The following SLC44A5 variants were observed in gnomAD, a reference collection of about 807,000 sequenced individuals.
The protein encoded by SLC44A5 is choline transporter-like protein 5.
SLC44A5 carries 57 observed loss-of-function variants against 101.8 expected under a neutral mutation model. That is an observed-to-expected ratio of 0.56 (90% CI 0.45 to 0.70). The LOEUF (loss-of-function observed/expected upper bound fraction) is 0.70, where lower values mean the gene tolerates loss of function less well. Among genes scored for constraint, SLC44A5 ranks in the 30% least tolerant of loss-of-function variants. SLC44A5 has a pLI of 0.00. For missense variants in SLC44A5, 737 were observed against 853.1 expected (o/e 0.86, Z 1.70); for synonymous variants, 281 against 290.9 (o/e 0.97, Z 0.35).
intron 23 of SLC44A5, chr1:75,205,927 T>C (rs1646742208): frequency 6.6e-6 from 1 of 152,194 alleles, no homozygotes; most frequent in African/African-American, 2.4e-5. Flanking sequence ...TTGTTGGAAA[T>C]GACACTCCAG....
At chr1:75,421,447 A>C (rs1003006029) in intron 2 of SLC44A5, among the ~76,000 whole-genome samples, 1 of 152,170 alleles carries the variant, frequency 6.6e-6, no homozygotes, top group Non-Finnish European at 1.5e-5. Context: ...AAAAAAATGA[A>C]TAAATGGCAG....
the SLC44A5 span, among the ~76,000 whole-genome samples, chr1:75,714,527 T>C: frequency 6.6e-6 from 1 of 152,148 alleles, no homozygotes; most frequent in Middle Eastern, 3.4e-3. Context: ...GGCACCCAAG[T>C]AGAAAGAGAG....
At chr1:75,311,220 G>A (rs1168647991) in intron 4 of SLC44A5, among the ~76,000 whole-genome samples, 1 of 151,676 alleles carries the variant, frequency 6.6e-6, no homozygotes, top group African/African-American at 2.4e-5. Context: ...AGGTTCAAGC[G>A]ATTCTCCTGC....
chr1:75,537,034 A>AAAAATATATATATATG (rs1553199990), intron 2 of SLC44A5, among the ~76,000 whole-genome samples: 45 of 18,612 alleles, frequency 2.4e-3, no homozygotes, highest in African/African-American at 4.7e-3. Flanking sequence ...AAAAAAAAAA[A>AAAAATATATATATATG]TATATATCTA....
At chr1:75,639,518 G>C in the SLC44A5 span, among the ~76,000 whole-genome samples, 1 of 152,032 alleles carries the variant, frequency 6.6e-6, no homozygotes, top group Non-Finnish European at 1.5e-5. Flanking sequence ...TTCTTTGACT[G>C]TTATTCCGAT....
At chr1:75,642,897 G>A in the SLC44A5 span, among the ~76,000 whole-genome samples, 2 of 152,108 alleles carry the variant, frequency 1.3e-5, no homozygotes, top group South Asian at 2.1e-4. Flanking sequence ...AAACAAATAA[G>A]TTTAGGTTAT....
intron 3 of SLC44A5, among the ~76,000 whole-genome samples, chr1:75,388,208 TAATA>T (rs71071944): frequency 1.1e-4 from 14 of 129,112 alleles, no homozygotes; most frequent in Admixed American, 4.6e-4. Context: ...ACTTAAAGTG[TAATA>T]AATAAATAAA....
At chr1:75,246,072 A>G (rs1212122992) in intron 7 of SLC44A5, among the ~76,000 whole-genome samples, 3 of 152,146 alleles carry the variant, frequency 2.0e-5, no homozygotes, top group African/African-American at 7.2e-5. Context: ...GACTCAGCTA[A>G]TAAGAGCTAA....
At chr1:75,645,333 G>T in the SLC44A5 span, among the ~76,000 whole-genome samples, 1 of 152,062 alleles carries the variant, frequency 6.6e-6, no homozygotes, top group African/African-American at 2.4e-5. Context: ...CTGGTGTAAG[G>T]TGGTATCTCA....
the SLC44A5 span, among the ~76,000 whole-genome samples, chr1:75,665,994 A>C: frequency 6.6e-6 from 1 of 152,202 alleles, no homozygotes; most frequent in Non-Finnish European, 1.5e-5. Context: ...GCTACAGAAA[A>C]AAAGGGAATG....
the SLC44A5 span, among the ~76,000 whole-genome samples, chr1:75,644,327 G>A: frequency 6.6e-6 from 1 of 151,498 alleles, no homozygotes; most frequent in African/African-American, 2.4e-5. Context: ...ACATACAAAG[G>A]TGTAATAAAT....
chr1:75,277,241 G>C (rs1460210204), intron 5 of SLC44A5, among the ~76,000 whole-genome samples: 3 of 152,102 alleles, frequency 2.0e-5, no homozygotes, highest in Admixed American at 2.0e-4. Context: ...TATAGATTGA[G>C]GAAATAGTAT....
chr1:75,696,688 G>A, the SLC44A5 span, among the ~76,000 whole-genome samples: 41 of 152,078 alleles, frequency 2.7e-4, 1 homozygote, highest in Non-Finnish European at 3.4e-4. Context: ...GAGGTCAGGA[G>A]ATCGAGACCA....
chr1:75,480,640 A>G (rs1667779726), intron 2 of SLC44A5, among the ~76,000 whole-genome samples: 1 of 151,894 alleles, frequency 6.6e-6, no homozygotes, highest in African/African-American at 2.4e-5. Flanking sequence ...TCATGAGTGA[A>G]CTCCCATTCG....
At chr1:75,641,076 CAAAG>C in the SLC44A5 span, among the ~76,000 whole-genome samples, 1 of 152,030 alleles carries the variant, frequency 6.6e-6, no homozygotes. Flanking sequence ...TAATAAAATA[CAAAG>C]AAAGGCAACT....
the SLC44A5 span, among the ~76,000 whole-genome samples, chr1:75,651,603 A>G: frequency 6.7e-6 from 1 of 149,318 alleles, no homozygotes; most frequent in Non-Finnish European, 1.5e-5. Context: ...AGGCTGAGGC[A>G]GGAGAATGGC....
intron 3 of SLC44A5, among the ~76,000 whole-genome samples, chr1:75,370,233 T>G (rs769480179): frequency 6.6e-6 from 1 of 152,246 alleles, no homozygotes; most frequent in African/African-American, 2.4e-5. Flanking sequence ...TGTTCCCATA[T>G]GCTGTAACAT....
chr1:75,333,795 C>T (rs1486239667), intron 4 of SLC44A5, among the ~76,000 whole-genome samples: 2 of 152,096 alleles, frequency 1.3e-5, no homozygotes, highest in Non-Finnish European at 2.9e-5. Context: ...AGAAAAAATT[C>T]AAAGCAGAGG....
At chr1:75,680,100 A>G in the SLC44A5 span, among the ~76,000 whole-genome samples, 1 of 152,234 alleles carries the variant, frequency 6.6e-6, no homozygotes, top group African/African-American at 2.4e-5. Flanking sequence ...AGGAGCACCC[A>G]GATTCATAAA....
Sources: allele counts gnomAD v4.1 joint callset (sites outside exome capture counted in the v4.1 genomes callset), GRCh38; gene constraint gnomAD v4.1.1; transcripts MANE v1.5; gene names NCBI Gene and HGNC (gene_info 2026-07-23, HGNC 2026-07-21).